Variants in RC3H1 observed in about 807,000 individuals in gnomAD.
RC3H1 encodes ring finger and CCCH-type domains 1.
Under a neutral mutation model 138.2 loss-of-function variants are expected in RC3H1, and 50 were observed. That is an observed-to-expected ratio of 0.36 (90% CI 0.29 to 0.46). RC3H1 has a LOEUF of 0.46. Ranked by LOEUF, RC3H1 falls within the 20% of genes least tolerant of loss-of-function variation. The probability of loss-of-function intolerance (pLI) is 1.00; values close to 1 mark genes in which losing one functional copy is unlikely to be tolerated. For missense variants in RC3H1, 1,031 were observed against 1,388.1 expected, an observed-to-expected ratio of 0.74 and a Z score of 4.09; for synonymous variants, 462 against 489.1, an observed-to-expected ratio of 0.94 and a Z score of 0.73.
intron 13 of RC3H1, among the ~76,000 whole-genome samples, chr1:173,958,176 T>A (rs1340367499): frequency 6.0e-5 from 9 of 151,062 alleles, no homozygotes. Context: ...TACTTGATTA[T>A]TAAAAAAAAA....
Position 174,022,237 on chromosome 1 carries a change from G to A in RC3H1, c.-292C>T, listed in dbSNP as rs1286793274. ...CCGGGCCACGGCTGCCGCCGCCACCGCCAGCACCGCCTCCGGCCTCCCACC... is the reference window on the plus strand; with the variant it reads ...CCGGGCCACGGCTGCCGCCGCCACCACCAGCACCGCCTCCGGCCTCCCACC... On this transcript the variant is annotated 5_prime_UTR_variant, in exon 1 of 20. Transcript: ENST00000367696. This position sits in a 1 kb window ranked among gnomAD's most constrained non-coding sequence, Gnocchi z 4.2. 1.0e-5 allele frequency: 4 copies of A among 392,182 alleles called. No individual in the cohort carries two copies. The highest frequency in any genetic ancestry group is 1.8e-5 in the Non-Finnish European group (4 of 222,434). 24.3% of individuals were successfully genotyped at this position (392,182 alleles called of 1,614,324 possible).
intron 2 of RC3H1, among the ~76,000 whole-genome samples, chr1:173,989,503 T>C (rs1433228573): frequency 1.3e-5 from 2 of 152,072 alleles, no homozygotes; most frequent in African/African-American, 4.8e-5. Flanking sequence ...GTTCGTATCT[T>C]TGAAATATAG....
chr1:173,993,412 CTTT>C (rs35670849), intron 1 of RC3H1, among the ~76,000 whole-genome samples: 3 of 143,468 alleles, frequency 2.1e-5, no homozygotes. Context: ...TTATCTAAGT[CTTT>C]TTTTTTTTTT....
At chr1:174,006,674 C>A (rs1330407932) in intron 1 of RC3H1, among the ~76,000 whole-genome samples, 1 of 152,090 alleles carries the variant, frequency 6.6e-6, no homozygotes, top group Non-Finnish European at 1.5e-5. Flanking sequence ...CTGAGCATGA[C>A]TGGTTTTAAG....
chr1:173,933,496 GAAAT>G lies in RC3H1; in HGVS notation c.*5221_*5224del, dbSNP rs1282129682. On this transcript the variant is annotated 3_prime_UTR_variant, in exon 20 of 20. Coordinates refer to ENST00000367696, the MANE Select transcript of RC3H1 (RefSeq NM_172071.4). ...TGTGGAAAGATCTTTAGTGAACACA[GAAAT>G]AAAATCTTAAAAATTCAAATCTTAA... is the stretch of plus-strand genomic sequence containing the variant. 3 of 152,040 alleles carry G rather than the reference GAAAT, an allele frequency of 2.0e-5. No homozygotes were observed. The highest frequency in any genetic ancestry group is 2.4e-5 in the African/African-American group (1 of 41,418). The allele number at this position is 152,040 out of a possible 1,614,324, so 9.4% of individuals were successfully genotyped here. A position where few individuals can be genotyped will look rare whatever the true frequency, so the allele number is the denominator to read the frequency against.
chr1:173,990,574 A>ATT (rs1215049942), intron 2 of RC3H1, among the ~76,000 whole-genome samples: 13 of 140,360 alleles, frequency 9.3e-5, no homozygotes, highest in African/African-American at 3.2e-4. Context: ...TATTATTATT[A>ATT]TTTATTTTTT....
intron 19 of RC3H1, 44 bp downstream of exon 19, chr1:173,941,221 T>C (rs748729478): frequency 1.7e-5 from 19 of 1,117,746 alleles, no homozygotes; most frequent in East Asian, 4.7e-5. Context: ...AGTTTCTCTT[T>C]TGTGTGTAAT....
In RC3H1 at chr1:173,950,420, C is replaced by CAAA. The variant is rs60259705; in HGVS notation, c.2523+1563_2523+1565dup. Reference sequence around the variant, plus strand: ...CAACATAGCAAGACCTCATCTCTACCAAAAAAAAAAAAAAAAAAAAAGAGC... The same window carrying CAAA: ...CAACATAGCAAGACCTCATCTCTACCAAAAAAAAAAAAAAAAAAAAAAAAGAGC... On this transcript the variant is annotated intron_variant, in intron 14 of 19. Coordinates refer to ENST00000367696, the MANE Select transcript of RC3H1 (RefSeq NM_172071.4). Among the ~76,000 whole-genome samples, 137 of 63,646 alleles carry CAAA rather than the reference C, an allele frequency of 2.2e-3. 9 individuals are homozygous for CAAA. The highest frequency in any genetic ancestry group is 8.1e-3 in the African/African-American group (117 of 14,402). 41.8% of individuals were successfully genotyped at this position (63,646 alleles called of 152,430 possible). A position where few individuals can be genotyped will look rare whatever the true frequency, so the allele number is the denominator to read the frequency against.
chr1:173,963,613 A>G (rs1461605168), intron 11 of RC3H1, among the ~76,000 whole-genome samples: 4 of 152,198 alleles, frequency 2.6e-5, no homozygotes, highest in Non-Finnish European at 5.9e-5. Flanking sequence ...TACACACACT[A>G]TAATATTAAT....
chr1:173,988,720 A>C (rs1274501070), intron 2 of RC3H1, among the ~76,000 whole-genome samples: 1 of 152,220 alleles, frequency 6.6e-6, no homozygotes, highest in African/African-American at 2.4e-5. Flanking sequence ...GGTGTTGCTA[A>C]TGTTTTGGAT....
In RC3H1 at chr1:173,983,575, T is replaced by C. The variant is rs748287879; in HGVS notation, c.435A>G (p.Leu145=). Residue 145 remains leucine, a synonymous_variant, in exon 4 of 20, where the codon CTA becomes CTG. Coordinates refer to ENST00000367696, the MANE Select transcript of RC3H1 (RefSeq NM_172071.4). Reference sequence around the variant, plus strand: ...CACGAATCCTGCCTTCTTCTTCTACTAGTTGACAGTGGACTAGAGTCACAA... The same window carrying C: ...CACGAATCCTGCCTTCTTCTTCTACCAGTTGACAGTGGACTAGAGTCACAA... ...RKLVTLVHCQ[L]VEEEGRIRAM... 6 of 1,614,084 alleles carry C rather than the reference T, an allele frequency of 3.7e-6. No individual in the cohort carries two copies. The East Asian group carries it at 8.9e-5, about 24-fold the overall frequency.
At chr1:173,956,834 C>T (rs12072905) in intron 13 of RC3H1, among the ~76,000 whole-genome samples, 1 of 151,596 alleles carries the variant, frequency 6.6e-6, no homozygotes, top group South Asian at 2.1e-4. Context: ...ATGAGATTTT[C>T]GAGAAACTTC....
At chr1:174,004,098 ATTTATT>A (rs924445688) in intron 1 of RC3H1, among the ~76,000 whole-genome samples, 1 of 147,850 alleles carries the variant, frequency 6.8e-6, no homozygotes, top group Non-Finnish European at 1.5e-5. Flanking sequence ...ATTATATATT[ATTTATT>A]TTTATTTTTA....
At chr1:174,006,893 G>C (rs1251579632) in intron 1 of RC3H1, among the ~76,000 whole-genome samples, 3 of 152,114 alleles carry the variant, frequency 2.0e-5, no homozygotes, top group Non-Finnish European at 4.4e-5. Context: ...TTAAGATGAA[G>C]TATAACATAC....
chr1:173,995,473 G>C (rs1661439113), intron 1 of RC3H1, among the ~76,000 whole-genome samples: 1 of 150,070 alleles, frequency 6.7e-6, no homozygotes, highest in South Asian at 2.1e-4. Context: ...GGCAGAACTT[G>C]AAGTGAGCCA....
intron 1 of RC3H1, among the ~76,000 whole-genome samples, chr1:174,014,153 G>A (rs1193579007): frequency 6.6e-6 from 1 of 152,282 alleles, no homozygotes; most frequent in East Asian, 1.9e-4. Context: ...ATAATGTTAT[G>A]CATTTGGCAA....
intron 1 of RC3H1, among the ~76,000 whole-genome samples, chr1:174,006,754 C>T (rs1661658572): frequency 6.6e-6 from 1 of 152,170 alleles, no homozygotes; most frequent in African/African-American, 2.4e-5. Flanking sequence ...GCAGCAACTA[C>T]TGTATTCCTT....
intron 2 of RC3H1, among the ~76,000 whole-genome samples, chr1:173,992,517 T>C (rs1408360532): frequency 2.0e-5 from 3 of 152,246 alleles, no homozygotes; most frequent in Middle Eastern, 3.4e-3. Flanking sequence ...GATGTTACTG[T>C]ACTATGACTA....
intron 9 of RC3H1, 50 bp from the exon 10 acceptor site, chr1:173,965,170 C>T: frequency 6.7e-7 from 1 of 1,490,180 alleles, no homozygotes; most frequent in Non-Finnish European, 9.1e-7. Context: ...AAAAGCAAAA[C>T]CAAGAACTAA....
Sources: allele counts gnomAD v4.1 joint callset (sites outside exome capture counted in the v4.1 genomes callset), GRCh38; gene constraint gnomAD v4.1.1; non-coding constraint Gnocchi (gnomAD v3.1); transcripts MANE v1.5; gene names NCBI Gene and HGNC (gene_info 2026-07-23, HGNC 2026-07-21).